Variants in NIBAN2 observed in about 807,000 individuals in gnomAD.
The protein encoded by NIBAN2 is protein Niban 2.
In NIBAN2, 36 loss-of-function variants were observed where a neutral mutation model predicts 81.8. The observed-to-expected ratio is 0.44, with a 90% CI of 0.34 to 0.58. NIBAN2 has a LOEUF of 0.58. Among genes scored for constraint, NIBAN2 ranks in the 20% least tolerant of loss-of-function variants. NIBAN2 has a pLI of 0.02. For missense variants in NIBAN2, 897 were observed against 1,014.1 expected (o/e 0.88, Z 1.57); for synonymous variants, 445 against 441.6 (o/e 1.01, Z -0.10).
At chr9:127,539,267 C>T (rs903798238) in intron 1 of NIBAN2, among the ~76,000 whole-genome samples, 1 of 152,134 alleles carries the variant, frequency 6.6e-6, no homozygotes, top group Non-Finnish European at 1.5e-5. Context: ...AGAGCCCTAC[C>T]CCGCAAAGCC....
At chr9:127,572,837 G>C (rs746084188), upstream of NIBAN2, among the ~76,000 whole-genome samples, 5 of 152,078 alleles carry the variant, frequency 3.3e-5, no homozygotes, top group African/African-American at 4.8e-5. Flanking sequence ...TTGAGGCCAG[G>C]AGTTTGAGAC....
At chr9:127,578,527 C>T (rs111525199) in intron 1 of NIBAN2, among the ~76,000 whole-genome samples, 1 of 150,904 alleles carries the variant, frequency 6.6e-6, no homozygotes, top group African/African-American at 2.4e-5. Context: ...CTGGGCATGG[C>T]GGTGGGGCCC....
At chr9:127,525,030 T>C (rs1837034300) in intron 4 of NIBAN2, 28 bp downstream of exon 4, 5 of 1,552,720 alleles carry the variant, frequency 3.2e-6, no homozygotes, top group South Asian at 2.2e-5. Context: ...GTGCAGGGCA[T>C]TGTGGCCTGG....
chr9:127,572,942 G>T (rs1588196487), upstream of NIBAN2, among the ~76,000 whole-genome samples: 1 of 152,200 alleles, frequency 6.6e-6, no homozygotes, highest in African/African-American at 2.4e-5. Context: ...CAGCTACTAG[G>T]AGGCCAAAGC....
intron 1 of NIBAN2, among the ~76,000 whole-genome samples, chr9:127,534,287 C>T (rs1351998418): frequency 6.6e-6 from 1 of 152,208 alleles, no homozygotes; most frequent in Admixed American, 6.5e-5. Context: ...CTCCCATGGC[C>T]AGTCTCCAGG....
intron 1 of NIBAN2, among the ~76,000 whole-genome samples, chr9:127,544,364 C>T (rs1588175298): frequency 1.3e-5 from 2 of 152,276 alleles, no homozygotes; most frequent in East Asian, 3.9e-4. Flanking sequence ...CATAGTCCTC[C>T]ACCACCACCT....
At chr9:127,534,860 G>A (rs182755624) in intron 1 of NIBAN2, among the ~76,000 whole-genome samples, 6 of 152,312 alleles carry the variant, frequency 3.9e-5, no homozygotes, top group African/African-American at 1.2e-4. Context: ...ATACATCGGG[G>A]ATAATAGAGA....
Position 127,508,624 on chromosome 9 carries a change from CAG to C in NIBAN2, c.1318-88_1318-87del. Reference sequence around the variant, plus strand: ...CCGCTGAGGGGTCCTCATCCTCAACCAGCCCCCCACCCCGAGGCCTGCCAGGG... The same window carrying C: ...CCGCTGAGGGGTCCTCATCCTCAACCCCCCCCACCCCGAGGCCTGCCAGGG... On this transcript the variant is annotated intron_variant, in intron 10 of 13. Coordinates refer to ENST00000373312, the MANE Select transcript of NIBAN2 (RefSeq NM_022833.4). The surrounding 1 kb of genome is among the most constrained non-coding windows in gnomAD (Gnocchi z 6.4). 8.9e-7 allele frequency: 1 copy of C among 1,121,246 alleles called. No individual in the cohort carries two copies. The allele number at this position is 1,121,246 out of a possible 1,614,324, so 69.5% of individuals were successfully genotyped here.
At chr9:127,529,214 C>T (rs947128635) in intron 2 of NIBAN2, among the ~76,000 whole-genome samples, 9 of 152,242 alleles carry the variant, frequency 5.9e-5, no homozygotes, top group Non-Finnish European at 1.3e-4. Flanking sequence ...TCGGCACCAC[C>T]GACTGCCAGA....
At chr9:127,547,736 C>T (rs1007208367) in intron 1 of NIBAN2, among the ~76,000 whole-genome samples, 4 of 144,466 alleles carry the variant, frequency 2.8e-5, no homozygotes, top group Non-Finnish European at 4.5e-5. Flanking sequence ...ACTCAGGAGG[C>T]TGAGGCAGGA....
rs113025661 is a variant in NIBAN2 at position 127,545,116 on chromosome 9, G to T, written c.56-13338C>A. On this transcript the variant is annotated intron_variant, in intron 1 of 13. Coordinates refer to ENST00000373312, the MANE Select transcript of NIBAN2 (RefSeq NM_022833.4). The surrounding 1 kb of genome is among the most constrained non-coding windows in gnomAD (Gnocchi z 4.7). ...TCAGCCCCTCAGCTTCCTCCTCAGC[G>T]GAGGAAATCTGGCCTCTGGCCTTGG... 1.3e-5 allele frequency among the ~76,000 whole-genome samples: 2 copies of T among 152,168 alleles called. No individual in the cohort carries two copies. Among genetic ancestry groups the T allele is most frequent in the Admixed American group, 6.5e-5 (1 of 15,282 alleles).
At chr9:127,568,192 G>A (rs1054816131) in intron 1 of NIBAN2, among the ~76,000 whole-genome samples, 2 of 152,216 alleles carry the variant, frequency 1.3e-5, no homozygotes, top group Admixed American at 6.5e-5. Context: ...CCACTCTGGT[G>A]ACCGGTCCCT....
At chr9:127,551,161 G>C (rs1225535495) in intron 1 of NIBAN2, among the ~76,000 whole-genome samples, 1 of 152,146 alleles carries the variant, frequency 6.6e-6, no homozygotes, top group African/African-American at 2.4e-5. Context: ...GGCCAAGGTG[G>C]GTGGATCACC....
chr9:127,520,222 C>A (rs1471982922), intron 5 of NIBAN2, among the ~76,000 whole-genome samples: 1 of 137,262 alleles, frequency 7.3e-6, no homozygotes, highest in Non-Finnish European at 1.5e-5. Flanking sequence ...ATATTTGGAC[C>A]CAGGGTCTTT....
At chr9:127,553,965 T>G (rs1837621925) in intron 1 of NIBAN2, among the ~76,000 whole-genome samples, 1 of 152,000 alleles carries the variant, frequency 6.6e-6, no homozygotes, top group Non-Finnish European at 1.5e-5. Context: ...ACCCAACCAC[T>G]CCTCACCACC....
chr9:127,571,240 C>CCCTGGCCCAGGGACGGGTTCCTA (rs1837942635), upstream of NIBAN2, among the ~76,000 whole-genome samples: 1 of 78,004 alleles, frequency 1.3e-5, no homozygotes, highest in African/African-American at 7.2e-5. Context: ...ACGGGTTCCT[C>CCCTGGCCCAGGGACGGGTTCCTA]CCTGGCCCAG....
At chr9:127,544,188 C>T (rs1255269671) in intron 1 of NIBAN2, among the ~76,000 whole-genome samples, 1 of 152,212 alleles carries the variant, frequency 6.6e-6, no homozygotes. Context: ...ATCTTGTTCA[C>T]TTCCGTATCC....
At chr9:127,564,472 C>T (rs1424000963) in intron 1 of NIBAN2, among the ~76,000 whole-genome samples, 1 of 152,018 alleles carries the variant, frequency 6.6e-6, no homozygotes, top group Non-Finnish European at 1.5e-5. Context: ...TGCACAGAAA[C>T]GAACTCACCA....
chr9:127,510,404 T>A, intron 8 of NIBAN2, 71 bp from the exon 9 acceptor site: 1 of 1,143,912 alleles, frequency 8.7e-7, no homozygotes, highest in South Asian at 1.6e-5. Flanking sequence ...AGAGCCCAGG[T>A]GCTGGAGGCT....
Sources: allele counts gnomAD v4.1 joint callset (sites outside exome capture counted in the v4.1 genomes callset), GRCh38; gene constraint gnomAD v4.1.1; non-coding constraint Gnocchi (gnomAD v3.1); transcripts MANE v1.5; gene names NCBI Gene and HGNC (gene_info 2026-07-23, HGNC 2026-07-21).